The following LRRTM3 variants were observed in gnomAD, a reference collection of about 807,000 sequenced individuals.
LRRTM3 encodes the protein leucine-rich repeat transmembrane neuronal protein 3.
Under a neutral mutation model 44.7 loss-of-function variants are expected in LRRTM3, and 24 were observed. The observed-to-expected ratio is 0.54, with a 90% CI of 0.39 to 0.76. The LOEUF is 0.76. LRRTM3 is among the 30% of genes least tolerant of loss of function. The probability of loss-of-function intolerance (pLI) is 0.00; values close to 1 mark genes in which losing one functional copy is unlikely to be tolerated. For missense variants in LRRTM3, 587 were observed against 702.2 expected, an observed-to-expected ratio of 0.84 and a Z score of 1.85; for synonymous variants, 277 against 278.7, an observed-to-expected ratio of 0.99 and a Z score of 0.06.
At chr10:66,929,153 C>T (rs1361783776) in intron 2 of LRRTM3, among the ~76,000 whole-genome samples, 1 of 152,196 alleles carries the variant, frequency 6.6e-6, no homozygotes, top group African/African-American at 2.4e-5. Context: ...GTTTTCGACT[C>T]AGCCTTGTCT....
chr10:66,968,462 T>C (rs17297369), intron 2 of LRRTM3, among the ~76,000 whole-genome samples: 34,796 of 151,168 alleles, frequency 0.23, 4,562 homozygotes, highest in South Asian at 0.31. Context: ...AAATACAATT[T>C]TAGAACCACA....
At chr10:66,986,817 A>G (rs890103283) in intron 2 of LRRTM3, among the ~76,000 whole-genome samples, 5 of 152,146 alleles carry the variant, frequency 3.3e-5, no homozygotes, top group African/African-American at 4.8e-5. Context: ...TTCTCCATCA[A>G]TTAATCTATT....
At chr10:66,932,537 T>C (rs745452292) in intron 2 of LRRTM3, among the ~76,000 whole-genome samples, 1 of 152,160 alleles carries the variant, frequency 6.6e-6, no homozygotes, top group Non-Finnish European at 1.5e-5. Flanking sequence ...TTTGCTATTG[T>C]TGTATTCTCC....
intron 2 of LRRTM3, among the ~76,000 whole-genome samples, chr10:66,936,839 C>T (rs1847729464): frequency 6.6e-6 from 1 of 152,078 alleles, no homozygotes; most frequent in Non-Finnish European, 1.5e-5. Flanking sequence ...GATTACTGTC[C>T]CTTCCAAGGG....
At chr10:66,957,239 G>A (rs957768794) in intron 2 of LRRTM3, among the ~76,000 whole-genome samples, 1 of 151,880 alleles carries the variant, frequency 6.6e-6, no homozygotes, top group Non-Finnish European at 1.5e-5. Context: ...ATCAAAAGAA[G>A]TGAGATGTAA....
At chr10:67,082,737 A>G (rs1857113556) in intron 2 of LRRTM3, among the ~76,000 whole-genome samples, 1 of 152,206 alleles carries the variant, frequency 6.6e-6, no homozygotes, top group Non-Finnish European at 1.5e-5. Context: ...GTACTTCTAC[A>G]TCAGCATAGA....
intron 2 of LRRTM3, among the ~76,000 whole-genome samples, chr10:66,934,831 T>C (rs1419333006): frequency 2.0e-5 from 3 of 152,148 alleles, no homozygotes; most frequent in Non-Finnish European, 4.4e-5. Flanking sequence ...TGACATTTCA[T>C]CACATCAATT....
At chr10:67,090,145 A>G (rs904226181) in intron 2 of LRRTM3, among the ~76,000 whole-genome samples, 9 of 152,084 alleles carry the variant, frequency 5.9e-5, no homozygotes, top group Non-Finnish European at 8.8e-5. Flanking sequence ...TTTTACACAT[A>G]TATGTATCCA....
chr10:66,962,031 G>T (rs1384184921), intron 2 of LRRTM3, among the ~76,000 whole-genome samples: 2 of 152,118 alleles, frequency 1.3e-5, no homozygotes, highest in Non-Finnish European at 2.9e-5. Flanking sequence ...CCACTACTCT[G>T]GTTTAAGCCA....
intron 1 of LRRTM3, 32 bp downstream of exon 1, chr10:66,926,619 T>TAATAACA (rs1847089300): frequency 1.2e-6 from 2 of 1,612,804 alleles, no homozygotes; most frequent in East Asian, 4.5e-5. Flanking sequence ...CTTTCCTTCT[T>TAATAACA]AAAAACAAAA....
chr10:66,969,059 A>C (rs1226131831), intron 2 of LRRTM3, among the ~76,000 whole-genome samples: 1 of 151,990 alleles, frequency 6.6e-6, no homozygotes, highest in Non-Finnish European at 1.5e-5. Context: ...GTAAATATAT[A>C]TATTTACTTT....
intron 2 of LRRTM3, among the ~76,000 whole-genome samples, chr10:66,980,539 A>ATG (rs1564809921): frequency 7.2e-6 from 1 of 138,674 alleles, no homozygotes; most frequent in African/African-American, 2.8e-5. Context: ...AGAATTGAAC[A>ATG]GGAACCAAAA....
intron 2 of LRRTM3, among the ~76,000 whole-genome samples, chr10:66,988,235 A>C (rs937525402): frequency 1.8e-4 from 27 of 152,092 alleles, no homozygotes; most frequent in Non-Finnish European, 7.4e-5. Flanking sequence ...CCCCAAAATA[A>C]TACTACCTCA....
chr10:67,097,488 C>A (rs1858073877), intron 2 of LRRTM3, 99 bp from the exon 3 acceptor site: 3 of 1,013,328 alleles, frequency 3.0e-6, no homozygotes, highest in Non-Finnish European at 4.5e-6. Flanking sequence ...ACAGATATAA[C>A]CATGGAGGTT....
intron 2 of LRRTM3, among the ~76,000 whole-genome samples, chr10:67,046,865 G>A (rs1027160957): frequency 6.6e-6 from 1 of 152,122 alleles, no homozygotes; most frequent in African/African-American, 2.4e-5. Flanking sequence ...TAGGAATTAA[G>A]GGTCCAAAGA....
intron 2 of LRRTM3, among the ~76,000 whole-genome samples, chr10:67,087,829 A>G (rs1302387379): frequency 1.3e-5 from 2 of 151,954 alleles, no homozygotes; most frequent in African/African-American, 4.8e-5. Flanking sequence ...ACTAACCCTT[A>G]CTCTTTTCTT....
rs77646741 is a variant in LRRTM3 at position 67,039,357 on chromosome 10, T to G, written c.1537-58230T>G. 0.01 allele frequency among the ~76,000 whole-genome samples: 1,571 copies of G among 152,300 alleles called. 65 individuals are homozygous for G. In the East Asian group the frequency reaches 0.14, roughly 14 times the overall value. On this transcript the variant is annotated intron_variant, in intron 2 of 2. Transcript: ENST00000361320. ...GTTATTTATTCTAAGAAGTTTTTTC[T>G]GGAGACAAACATTTCCCTGTGCAGC...
At chr10:67,006,045 C>T (rs920608702) in intron 2 of LRRTM3, among the ~76,000 whole-genome samples, 31 of 151,958 alleles carry the variant, frequency 2.0e-4, no homozygotes, top group Non-Finnish European at 4.4e-5. Flanking sequence ...TCTCATTATT[C>T]CATTATTACA....
At chr10:66,999,047 T>C (rs1376390700) in intron 2 of LRRTM3, among the ~76,000 whole-genome samples, 3 of 152,104 alleles carry the variant, frequency 2.0e-5, no homozygotes, top group African/African-American at 7.2e-5. Flanking sequence ...ATTTTAGTTA[T>C]AAAGAAAACG....
Sources: gnomAD v4.1 joint callset for allele counts (sites outside exome capture counted in the v4.1 genomes callset) on GRCh38, gnomAD v4.1.1 for gene constraint, MANE v1.5 for transcripts, NCBI Gene and HGNC (gene_info 2026-07-23, HGNC 2026-07-21) for gene names.